The following ST6GALNAC3 variants were observed in gnomAD, a reference collection of about 807,000 sequenced individuals.
ST6GALNAC3 encodes the protein ST6 N-acetylgalactosaminide alpha-2,6-sialyltransferase 3, also known as alpha-N-acetylgalactosaminide alpha-2,6-sialyltransferase 3.
A neutral mutation model predicts 32.7 loss-of-function variants in ST6GALNAC3; 25 were observed. That is an observed-to-expected ratio of 0.76 (90% CI 0.56 to 1.07). ST6GALNAC3 has a LOEUF of 1.07. Among genes scored for constraint, ST6GALNAC3 ranks in the 50% least tolerant of loss-of-function variants. ST6GALNAC3 has a pLI of 0.00. For missense variants in ST6GALNAC3, 355 were observed against 382.4 expected, an observed-to-expected ratio of 0.93 and a Z score of 0.60; for synonymous variants, 129 against 133.1, an observed-to-expected ratio of 0.97 and a Z score of 0.21.
At chr1:76,287,250 G>A (rs942846547) in intron 1 of ST6GALNAC3, among the ~76,000 whole-genome samples, 4 of 152,156 alleles carry the variant, frequency 2.6e-5, no homozygotes, top group Non-Finnish European at 4.4e-5. Flanking sequence ...TGATTATAGA[G>A]TGTGTCTGTT....
chr1:76,123,561 G>A (rs1254664713), intron 1 of ST6GALNAC3, among the ~76,000 whole-genome samples: 1 of 151,968 alleles, frequency 6.6e-6, no homozygotes, highest in Non-Finnish European at 1.5e-5. Flanking sequence ...AAGGGGGTAG[G>A]TATAGTGCTT....
intron 3 of ST6GALNAC3, among the ~76,000 whole-genome samples, chr1:76,468,016 T>C (rs1658757869): frequency 6.6e-6 from 1 of 151,866 alleles, no homozygotes; most frequent in South Asian, 2.1e-4. Context: ...TACTCTCTTA[T>C]ATTTTCTTTT....
intron 1 of ST6GALNAC3, among the ~76,000 whole-genome samples, chr1:76,251,058 A>G (rs1657581514): frequency 6.6e-6 from 1 of 152,048 alleles, no homozygotes; most frequent in Non-Finnish European, 1.5e-5. Context: ...CCAGCAGCAC[A>G]TCTTTCACAC....
rs370487589 is a variant in ST6GALNAC3, at chr1:76,153,964, G to A, written c.18+79080G>A. 2.6e-5 allele frequency among the ~76,000 whole-genome samples: 4 copies of A among 152,210 alleles called. 1 individual carries two copies. The South Asian group carries it at 8.3e-4, about 32-fold the overall frequency. ...GCCCACTGGCTTAAAGAGTTGGCTT[G>A]GGTTCCGTCACAGTGATGAGTTGCC... On this transcript the variant is annotated intron_variant, in intron 1 of 4. Coordinates refer to ENST00000328299, the MANE Select transcript of ST6GALNAC3 (RefSeq NM_152996.4).
intron 3 of ST6GALNAC3, among the ~76,000 whole-genome samples, chr1:76,424,175 A>T (rs1429876319): frequency 6.6e-6 from 1 of 151,846 alleles, no homozygotes; most frequent in Middle Eastern, 3.2e-3. Flanking sequence ...CATTGAGCAA[A>T]TTTCACTTTT....
At chr1:76,337,830 G>A (rs1557800157) in intron 2 of ST6GALNAC3, among the ~76,000 whole-genome samples, 1 of 152,238 alleles carries the variant, frequency 6.6e-6, no homozygotes, top group East Asian at 1.9e-4. Flanking sequence ...GTGTGATTGG[G>A]ATCTACGTCT....
chr1:76,290,472 A>G (rs1444106967), intron 1 of ST6GALNAC3, among the ~76,000 whole-genome samples: 1 of 151,964 alleles, frequency 6.6e-6, no homozygotes, highest in African/African-American at 2.4e-5. Context: ...GTAAATACTG[A>G]TATTGTTTCT....
chr1:76,629,765 A>C lies in ST6GALNAC3; in HGVS notation c.*959A>C, dbSNP rs1649194548. The C allele has an allele frequency of 3.1e-6, 3 of 975,126 alleles. No individual in the cohort carries two copies. In the African/African-American group the frequency reaches 5.3e-5, roughly 17 times the overall value. The allele number at this position is 975,126 out of a possible 1,614,324, so 60.4% of individuals were successfully genotyped here. On this transcript the variant is annotated 3_prime_UTR_variant, in exon 5 of 5. Coordinates refer to ENST00000328299, the MANE Select transcript of ST6GALNAC3 (RefSeq NM_152996.4). ...AGACAGCAAAGCATATTTTTACATC[A>C]ATTTGTATCCTATCATACTTCATAA...
chr1:76,424,966 G>A (rs1016587293), intron 3 of ST6GALNAC3, among the ~76,000 whole-genome samples: 1 of 151,860 alleles, frequency 6.6e-6, no homozygotes, highest in Non-Finnish European at 1.5e-5. Context: ...GCTTATATTC[G>A]TAGCTGAAAT....
At chr1:76,174,663 C>CTTTTT (rs59269306) in intron 1 of ST6GALNAC3, among the ~76,000 whole-genome samples, 26 of 140,134 alleles carry the variant, frequency 1.9e-4, no homozygotes, top group Middle Eastern at 3.7e-3. Flanking sequence ...TTTTTCTTTT[C>CTTTTT]TTTTTTTTTT....
intron 1 of ST6GALNAC3, among the ~76,000 whole-genome samples, chr1:76,264,294 G>C (rs1309539466): frequency 6.6e-6 from 1 of 152,142 alleles, no homozygotes; most frequent in Non-Finnish European, 1.5e-5. Flanking sequence ...GAATTCATTT[G>C]TAGTAATGAA....
chr1:76,328,133 GCT>G (rs1647114496), intron 2 of ST6GALNAC3, among the ~76,000 whole-genome samples: 1 of 152,102 alleles, frequency 6.6e-6, no homozygotes, highest in Admixed American at 6.6e-5. Flanking sequence ...TTTGTCCCTG[GCT>G]CCAAAGCCCC....
At chr1:76,338,912 GTCAA>G (rs962537094) in intron 2 of ST6GALNAC3, among the ~76,000 whole-genome samples, 3 of 152,206 alleles carry the variant, frequency 2.0e-5, no homozygotes, top group African/African-American at 7.2e-5. Flanking sequence ...CCAGGATGGA[GTCAA>G]GATGAGTGTA....
chr1:76,111,636 GACTCTT>G lies in ST6GALNAC3; in HGVS notation c.18+36754_18+36759del, dbSNP rs1647951797. On this transcript the variant is annotated intron_variant, in intron 1 of 4. Transcript: ENST00000328299. ...GTACTTGAGATTAGGGAGTGGTGATGACTCTTAACGAGCATGCTGCCTTCAAGCATC... is the reference window on the plus strand; with the variant it reads ...GTACTTGAGATTAGGGAGTGGTGATGAACGAGCATGCTGCCTTCAAGCATC... Among the ~76,000 whole-genome samples the G allele has an allele frequency of 2.0e-5, 3 of 149,502 alleles. No individual in the cohort carries two copies. In the South Asian group the frequency reaches 6.6e-4, roughly 33 times the overall value.
At chr1:76,318,081 T>G (rs951313468) in intron 2 of ST6GALNAC3, among the ~76,000 whole-genome samples, 2 of 151,784 alleles carry the variant, frequency 1.3e-5, no homozygotes, top group Non-Finnish European at 2.9e-5. Flanking sequence ...TTAAAAAAAA[T>G]AATCTGTTCC....
At chr1:76,478,873 C>T (rs1659529793) in intron 3 of ST6GALNAC3, among the ~76,000 whole-genome samples, 1 of 149,620 alleles carries the variant, frequency 6.7e-6, no homozygotes, top group Non-Finnish European at 1.5e-5. Context: ...TGCCATTCTC[C>T]TGCCTCAGCC....
At chr1:76,477,000 G>A (rs1329720027) in intron 3 of ST6GALNAC3, among the ~76,000 whole-genome samples, 3 of 152,062 alleles carry the variant, frequency 2.0e-5, no homozygotes, top group Non-Finnish European at 4.4e-5. Flanking sequence ...CCTGGAAGTG[G>A]TGATCCAGGT....
intron 3 of ST6GALNAC3, among the ~76,000 whole-genome samples, chr1:76,613,825 A>G (rs1306693531): frequency 2.6e-5 from 4 of 152,206 alleles, no homozygotes; most frequent in African/African-American, 7.2e-5. Flanking sequence ...TGGAACCATG[A>G]GCCAACTAAA....
chr1:76,465,170 A>G (rs1046515017), intron 3 of ST6GALNAC3, among the ~76,000 whole-genome samples: 17 of 152,150 alleles, frequency 1.1e-4, no homozygotes, highest in African/African-American at 4.1e-4. Context: ...ACAATCAAAA[A>G]TAGAATTTTC....
Sources: allele counts gnomAD v4.1 joint callset (sites outside exome capture counted in the v4.1 genomes callset), GRCh38; gene constraint gnomAD v4.1.1; transcripts MANE v1.5; gene names NCBI Gene and HGNC (gene_info 2026-07-23, HGNC 2026-07-21).